The following FAM171A1 variants were observed in gnomAD, a reference collection of about 807,000 sequenced individuals.
FAM171A1 encodes protein FAM171A1.
A neutral mutation model predicts 74.9 loss-of-function variants in FAM171A1; 23 were observed. The observed-to-expected ratio is 0.31, with a 90% CI of 0.22 to 0.44. The LOEUF is 0.44. Ranked by LOEUF, FAM171A1 falls within the 20% of genes least tolerant of loss-of-function variation. The probability of loss-of-function intolerance (pLI) is 1.00; values close to 1 mark genes in which losing one functional copy is unlikely to be tolerated. For synonymous variants in FAM171A1, 527 were observed against 505.7 expected (o/e 1.04, Z -0.57); for missense variants, 1,162 against 1,159.2 (o/e 1.00, Z -0.03).
chr10:15,232,064 G>C (rs1834214108), intron 5 of FAM171A1, among the ~76,000 whole-genome samples: 1 of 152,164 alleles, frequency 6.6e-6, no homozygotes, highest in South Asian at 2.1e-4. Flanking sequence ...CTACACTCTA[G>C]CCTAGGTGAC....
chr10:15,215,955 T>C, intron 7 of FAM171A1, 41 bp downstream of exon 7: 1 of 1,349,086 alleles, frequency 7.4e-7, no homozygotes, highest in Non-Finnish European at 1.0e-6. Flanking sequence ...CCCAAGAAAC[T>C]GTGAATTAAA....
chr10:15,314,717 A>G (rs1313932781), intron 1 of FAM171A1, among the ~76,000 whole-genome samples: 4 of 152,214 alleles, frequency 2.6e-5, no homozygotes, highest in African/African-American at 9.6e-5. Flanking sequence ...AGATCAAGGC[A>G]TTTCATCCCA....
rs1054600129 is a variant in FAM171A1 at position 15,212,039 on chromosome 10, G to A, written c.*876C>T. ...AGGATGCTGACCCCAAATGGCACTT[G>A]GCAGCATGCAGTTTAAAGCAAAAGA... On this transcript the variant is annotated 3_prime_UTR_variant, in exon 8 of 8. Transcript: ENST00000378116. 2.0e-5 allele frequency: 3 copies of A among 152,572 alleles called. No homozygotes were observed. The highest frequency in any genetic ancestry group is 4.4e-5 in the Non-Finnish European group (3 of 68,030). 9.5% of individuals were successfully genotyped at this position (152,572 alleles called of 1,614,324 possible). A position where few individuals can be genotyped will look rare whatever the true frequency, so the allele number is the denominator to read the frequency against.
At chr10:15,324,772 C>A (rs550044750) in intron 1 of FAM171A1, among the ~76,000 whole-genome samples, 18 of 151,958 alleles carry the variant, frequency 1.2e-4, no homozygotes, top group African/African-American at 4.1e-4. Flanking sequence ...GACAAAAAAA[C>A]CAAACCAACT....
intron 6 of FAM171A1, among the ~76,000 whole-genome samples, chr10:15,219,552 A>G (rs1277933725): frequency 6.6e-6 from 1 of 152,194 alleles, no homozygotes. Flanking sequence ...TATCACTACA[A>G]AAACAATAGC....
At chr10:15,296,886 C>T (rs965013949) in intron 1 of FAM171A1, among the ~76,000 whole-genome samples, 1 of 152,140 alleles carries the variant, frequency 6.6e-6, no homozygotes, top group Non-Finnish European at 1.5e-5. Flanking sequence ...TGTGTTCTAT[C>T]ATCTCAGGCA....
At chr10:15,214,634 T>C (rs369863849) in intron 7 of FAM171A1, 33 bp from the exon 8 acceptor site, 29 of 1,515,146 alleles carry the variant, frequency 1.9e-5, no homozygotes, top group Non-Finnish European at 2.3e-5. Flanking sequence ...AAGCCAAAGA[T>C]TAGTGATTCT....
chr10:15,248,595 G>A lies in FAM171A1; in HGVS notation c.754+44C>T, dbSNP rs767165309. The A allele has an allele frequency of 3.2e-6, 5 of 1,546,502 alleles. No homozygotes were observed. The South Asian group carries it at 3.8e-5, about 12-fold the overall frequency. On this transcript the variant is annotated intron_variant, in intron 5 of 7. Coordinates refer to ENST00000378116, the MANE Select transcript of FAM171A1 (RefSeq NM_001010924.2). ...CTTAGAAGGAAAACCAAACAGTAACGAAGCCATCTGGTAGCCGATTGTCGG... is the reference window on the plus strand; with the variant it reads ...CTTAGAAGGAAAACCAAACAGTAACAAAGCCATCTGGTAGCCGATTGTCGG...
At chr10:15,320,409 G>A (rs1448208636) in intron 1 of FAM171A1, among the ~76,000 whole-genome samples, 1 of 152,180 alleles carries the variant, frequency 6.6e-6, no homozygotes. Context: ...TTTTGCTATT[G>A]TGAATAGTGC....
At chr10:15,363,256 A>C (rs1004622997) in intron 1 of FAM171A1, among the ~76,000 whole-genome samples, 7 of 152,222 alleles carry the variant, frequency 4.6e-5, no homozygotes, top group African/African-American at 1.7e-4. Context: ...AAAGGGACAT[A>C]CTTCGCATTA....
chr10:15,215,454 C>T (rs910971219), intron 7 of FAM171A1, among the ~76,000 whole-genome samples: 3 of 152,116 alleles, frequency 2.0e-5, no homozygotes, highest in Non-Finnish European at 4.4e-5. Context: ...CAACCTCCAC[C>T]TTCTGGGTCC....
At chr10:15,225,582 C>T (rs770275407) in intron 5 of FAM171A1, among the ~76,000 whole-genome samples, 1 of 152,200 alleles carries the variant, frequency 6.6e-6, no homozygotes, top group Non-Finnish European at 1.5e-5. Context: ...GGGATGCAGA[C>T]AGTTTCACCA....
intron 1 of FAM171A1, among the ~76,000 whole-genome samples, chr10:15,324,181 T>G (rs1382311982): frequency 6.6e-6 from 1 of 152,188 alleles, no homozygotes; most frequent in Non-Finnish European, 1.5e-5. Flanking sequence ...TGGTTCTGAT[T>G]AATGGAGAAT....
intron 1 of FAM171A1, among the ~76,000 whole-genome samples, chr10:15,295,893 T>C (rs57640046): frequency 0.1 from 15,342 of 152,272 alleles, 889 homozygotes; most frequent in African/African-American, 0.16. Context: ...ACGACGGCTT[T>C]TCATCTCTTA....
chr10:15,303,002 A>G (rs1486913363), intron 1 of FAM171A1, among the ~76,000 whole-genome samples: 1 of 152,198 alleles, frequency 6.6e-6, no homozygotes, highest in South Asian at 2.1e-4. Context: ...AAGCCTGGCC[A>G]ATATGGTGAA....
chr10:15,314,923 C>T (rs1016436665), intron 1 of FAM171A1, among the ~76,000 whole-genome samples: 5 of 152,366 alleles, frequency 3.3e-5, no homozygotes, highest in Admixed American at 6.5e-5. Context: ...CCTGTCTCTC[C>T]GGTTCCTCCG....
At chr10:15,283,856 A>C (rs368012402) in intron 2 of FAM171A1, 22 bp downstream of exon 2, 979 of 1,612,162 alleles carry the variant, frequency 6.1e-4, no homozygotes, top group Non-Finnish European at 7.9e-4. Flanking sequence ...TCTGTGTTAA[A>C]GAAAGATGAG....
chr10:15,297,958 T>A (rs1835180688), intron 1 of FAM171A1, among the ~76,000 whole-genome samples: 1 of 152,222 alleles, frequency 6.6e-6, no homozygotes. Context: ...ATTTGAAAAC[T>A]GTTGCTGGAC....
In FAM171A1 at chr10:15,241,499, T is replaced by C. The variant is rs558387626; in HGVS notation, c.754+7140A>G. ...CACTCACAGACAATATGCCAGCAGATGGGCCTGGCAAGGTTCCAGTGAAAC... is the reference window on the plus strand; with the variant it reads ...CACTCACAGACAATATGCCAGCAGACGGGCCTGGCAAGGTTCCAGTGAAAC... On this transcript the variant is annotated intron_variant, in intron 5 of 7. Coordinates refer to ENST00000378116, the MANE Select transcript of FAM171A1 (RefSeq NM_001010924.2). 7.2e-5 allele frequency: 11 copies of C among 152,362 alleles called. No homozygotes were observed. The South Asian group carries it at 2.3e-3, about 32-fold the overall frequency. 9.4% of individuals were successfully genotyped at this position (152,362 alleles called of 1,614,324 possible).
Sources: gnomAD v4.1 joint callset for allele counts (sites outside exome capture counted in the v4.1 genomes callset) on GRCh38, gnomAD v4.1.1 for gene constraint, MANE v1.5 for transcripts, NCBI Gene and HGNC (gene_info 2026-07-23, HGNC 2026-07-21) for gene names.